SPEN: variants seen among roughly 807,000 people sequenced by gnomAD.
The protein encoded by SPEN is spen family transcriptional repressor.
In SPEN, 18 loss-of-function variants were observed where a neutral mutation model predicts 269.9. The ratio of observed to expected loss-of-function variants is 0.07; its 90% CI spans 0.05 to 0.10. The LOEUF (loss-of-function observed/expected upper bound fraction) is 0.10. Ranked by LOEUF, SPEN falls within the 10% of genes least tolerant of loss-of-function variation. The pLI is 1.00. For synonymous variants in SPEN, 1,726 were observed against 1,765.7 expected (o/e 0.98, Z 0.56); for missense variants, 3,822 against 4,631.2 (o/e 0.83, Z 5.07).
chr1:15,904,766 A>G (rs1280626688), intron 3 of SPEN, among the ~76,000 whole-genome samples: 1 of 150,614 alleles, frequency 6.6e-6, no homozygotes, highest in Non-Finnish European at 1.5e-5. Context: ...TGTTTATAAT[A>G]ATGGCCTGTG....
intron 1 of SPEN, among the ~76,000 whole-genome samples, chr1:15,871,049 C>G (rs1403239273): frequency 6.7e-6 from 1 of 149,284 alleles, no homozygotes; most frequent in African/African-American, 2.5e-5. Flanking sequence ...CCACTGCGTC[C>G]TCACCGCCTC....
intron 1 of SPEN, among the ~76,000 whole-genome samples, chr1:15,856,521 C>T (rs1454231604): frequency 6.6e-6 from 1 of 150,880 alleles, no homozygotes; most frequent in Non-Finnish European, 1.5e-5. Flanking sequence ...TTATTGTCAT[C>T]ACAACTTGGA....
chr1:15,883,902 T>C (rs1486368450), intron 3 of SPEN, among the ~76,000 whole-genome samples: 1 of 149,154 alleles, frequency 6.7e-6, no homozygotes, highest in East Asian at 2.0e-4. Context: ...CTCCGCCTCC[T>C]GGGTTCACGC....
intron 10 of SPEN, among the ~76,000 whole-genome samples, chr1:15,922,604 G>A (rs2071129884): frequency 6.6e-6 from 1 of 151,726 alleles, no homozygotes; most frequent in African/African-American, 2.4e-5. Flanking sequence ...AAGAGTTACT[G>A]TTTTGCCAGG....
chr1:15,879,004 C>CAA (rs3048559), intron 3 of SPEN, among the ~76,000 whole-genome samples: 13 of 76,538 alleles, frequency 1.7e-4, no homozygotes, highest in African/African-American at 6.6e-4. Context: ...GACTCTGTCT[C>CAA]AAAAAAAAAA....
intron 3 of SPEN, among the ~76,000 whole-genome samples, chr1:15,889,164 CTTT>C (rs56721891): frequency 1.6e-5 from 2 of 124,920 alleles, no homozygotes; most frequent in African/African-American, 3.2e-5. Context: ...CTTTTCTTTT[CTTT>C]TTTTTTTTTT....
intron 6 of SPEN, among the ~76,000 whole-genome samples, chr1:15,918,297 C>T (rs765523896): frequency 2.0e-5 from 3 of 152,268 alleles, no homozygotes; most frequent in Non-Finnish European, 4.4e-5. Flanking sequence ...TGGCTTACCG[C>T]AACCTCTGCC....
rs374356201 is a variant in SPEN at position 15,860,200 on chromosome 1, C to T, written c.83+12050C>T. On this transcript the variant is annotated intron_variant, in intron 1 of 14. Transcript: ENST00000375759. The stretch of plus-strand genomic sequence containing the variant: ...TGCTGGGATTACAGGCGTGAGCCAC[C>T]GTGCCTGGCGTAGTTAACATCTTAA... Among the ~76,000 whole-genome samples the T allele has an allele frequency of 1.5e-3, 229 of 151,216 alleles. 1 individual carries two copies. The highest frequency in any genetic ancestry group is 3.0e-3 in the Non-Finnish European group (206 of 67,752).
chr1:15,915,067 C>T (rs180775973), intron 5 of SPEN, among the ~76,000 whole-genome samples: 10 of 152,262 alleles, frequency 6.6e-5, no homozygotes, highest in East Asian at 1.9e-4. Context: ...GGACTATTTT[C>T]AGCTGAGTTT....
intron 7 of SPEN, 22 bp from the exon 8 acceptor site, chr1:15,919,382 A>G: frequency 1.3e-6 from 2 of 1,507,334 alleles, no homozygotes; most frequent in Non-Finnish European, 1.8e-6. Flanking sequence ...TTACTAATAG[A>G]AATTTTGCCT....
intron 1 of SPEN, among the ~76,000 whole-genome samples, chr1:15,854,657 T>TG (rs2070368240): frequency 6.6e-6 from 1 of 152,068 alleles, no homozygotes; most frequent in South Asian, 2.1e-4. Context: ...GCTAATTTTG[T>TG]GTTTTTAGTA....
chr1:15,923,072 TAAAAA>T (rs561905653), intron 10 of SPEN, among the ~76,000 whole-genome samples: 1 of 152,160 alleles, frequency 6.6e-6, no homozygotes, highest in Non-Finnish European at 1.5e-5. Context: ...ACATTTAACT[TAAAAA>T]ATAAATAAAT....
intron 3 of SPEN, among the ~76,000 whole-genome samples, chr1:15,892,121 C>A (rs1049232961): frequency 6.7e-6 from 1 of 148,540 alleles, no homozygotes; most frequent in Non-Finnish European, 1.5e-5. Flanking sequence ...CCCCGGTTCA[C>A]GTCATTCTCC....
In SPEN at chr1:15,939,594, T is replaced by C. The variant is rs1433742719; in HGVS notation, c.*167T>C. The C allele has an allele frequency of 2.9e-5, 22 of 749,036 alleles. No individual in the cohort carries two copies. In the East Asian group the frequency reaches 6.9e-4, roughly 23 times the overall value. The allele number at this position is 749,036 out of a possible 1,614,324, so 46.4% of individuals were successfully genotyped here. A position where few individuals can be genotyped will look rare whatever the true frequency, so the allele number is the denominator to read the frequency against. ...CCGGCTCAGTCGGCCAGACTTCCTC[T>C]AGGAGTGGTGCTGCTACCTTGTATG... On this transcript the variant is annotated 3_prime_UTR_variant, in exon 15 of 15. Transcript: ENST00000375759. The surrounding 1 kb of genome is among the most constrained non-coding windows in gnomAD (Gnocchi z 4.1).
At chr1:15,915,012 A>T (rs1471825666) in intron 5 of SPEN, among the ~76,000 whole-genome samples, 1 of 152,220 alleles carries the variant, frequency 6.6e-6, no homozygotes, top group Non-Finnish European at 1.5e-5. Flanking sequence ...AATGCTAAAT[A>T]TCTTATAAAA....
intron 1 of SPEN, among the ~76,000 whole-genome samples, chr1:15,851,798 C>T (rs1037302866): frequency 1.3e-5 from 2 of 152,028 alleles, no homozygotes; most frequent in Non-Finnish European, 2.9e-5. Flanking sequence ...GCTTGGTGAA[C>T]ATGGTAAAAC....
chr1:15,907,529 TTTGTCTGAATGGATTAGTGA>T (rs1366412815), intron 3 of SPEN, among the ~76,000 whole-genome samples: 1 of 152,128 alleles, frequency 6.6e-6, no homozygotes, highest in Admixed American at 6.6e-5. Context: ...CTTGGACTCA[TTTGTCTGAATGGATTAGTGA>T]TTGTCCTGAA....
At chr1:15,873,934 A>G in intron 2 of SPEN, 2 of 1,162,908 alleles carry the variant, frequency 1.7e-6, no homozygotes, top group Non-Finnish European at 2.2e-6. Flanking sequence ...AATCAAAGGT[A>G]CTTTAGCTTT....
At position 15,934,443 on chromosome 1, in the gene SPEN, A is replaced by C. The variant is rs756299395; in HGVS notation, c.8203A>C (p.Thr2735Pro). The C allele has an allele frequency of 1.2e-6, 2 of 1,614,016 alleles. No individual in the cohort carries two copies. The highest frequency in any genetic ancestry group is 4.5e-5 in the East Asian group (2 of 44,888). ...VNAAASAVNA[T>P]ASAVTVTAGA... Reference sequence around the variant, plus strand: ...TGCCGCTGCGAGTGCAGTGAATGCCACAGCAAGTGCAGTGACCGTCACAGC... The same window carrying C: ...TGCCGCTGCGAGTGCAGTGAATGCCCCAGCAAGTGCAGTGACCGTCACAGC... The change falls in exon 11 of 15, where the codon ACA becomes CCA. Residue 2735 changes from threonine to proline, a missense_variant. Physicochemically the swap from Thr to Pro is conservative, Grantham distance 38 (BLOSUM62 -1). Coordinates refer to ENST00000375759, the MANE Select transcript of SPEN (RefSeq NM_015001.3). This position sits in a 1 kb window ranked among gnomAD's most constrained non-coding sequence, Gnocchi z 9.2.
Sources: gnomAD v4.1 joint callset for allele counts (sites outside exome capture counted in the v4.1 genomes callset) on GRCh38, gnomAD v4.1.1 for gene constraint, Gnocchi (gnomAD v3.1) non-coding constraint, MANE v1.5 for transcripts, NCBI Gene and HGNC (gene_info 2026-07-23, HGNC 2026-07-21) for gene names.